The following CDH18 variants were observed in gnomAD, a reference collection of about 807,000 sequenced individuals.
The protein encoded by CDH18 is cadherin 18.
In CDH18, 31 loss-of-function variants were observed where a neutral mutation model predicts 67.9. The observed-to-expected ratio is 0.46, with a 90% CI of 0.34 to 0.62. The LOEUF is 0.62. CDH18 is among the 20% of genes least tolerant of loss of function. CDH18 has a pLI of 0.01. For missense variants in CDH18, 890 were observed against 975.5 expected (o/e 0.91, Z 1.17); for synonymous variants, 362 against 347.2 (o/e 1.04, Z -0.48).
At chr5:20,376,378 G>A (rs1177820461) in intron 1 of CDH18, among the ~76,000 whole-genome samples, 7 of 151,416 alleles carry the variant, frequency 4.6e-5, no homozygotes, top group South Asian at 2.1e-4. Context: ...GTGAGCCACC[G>A]CTCCCGGCCA....
At chr5:20,497,984 C>T (rs1754011499) in intron 1 of CDH18, among the ~76,000 whole-genome samples, 1 of 152,008 alleles carries the variant, frequency 6.6e-6, no homozygotes, top group Non-Finnish European at 1.5e-5. Context: ...TGCCCTTTCC[C>T]CCTGTGACAA....
At chr5:20,200,254 T>G (rs1372929965) in intron 2 of CDH18, among the ~76,000 whole-genome samples, 2 of 152,232 alleles carry the variant, frequency 1.3e-5, no homozygotes, top group Non-Finnish European at 2.9e-5. Flanking sequence ...CTGTGAGTAC[T>G]AGTGATAGAA....
intron 2 of CDH18, among the ~76,000 whole-genome samples, chr5:20,045,467 A>G (rs1415268081): frequency 6.6e-6 from 1 of 152,088 alleles, no homozygotes; most frequent in Non-Finnish European, 1.5e-5. Flanking sequence ...TTAAAATGGT[A>G]TAATGATGAC....
intron 5 of CDH18, among the ~76,000 whole-genome samples, chr5:19,629,549 A>G (rs1452938785): frequency 2.0e-5 from 3 of 152,206 alleles, no homozygotes; most frequent in African/African-American, 4.8e-5. Context: ...AAAAATTACC[A>G]ATCAGGCTGC....
At chr5:19,480,720 A>G (rs1739286965) in intron 12 of CDH18, among the ~76,000 whole-genome samples, 1 of 151,602 alleles carries the variant, frequency 6.6e-6, no homozygotes, top group African/African-American at 2.4e-5. Flanking sequence ...CCTCTCCACC[A>G]TACATTTACT....
rs1379797181 is a variant in CDH18 at position 19,838,799 on chromosome 5, A to T, written c.188T>A (p.Leu63Ter). ...AGGATCTGGTCCCATATGTTCTTCT[A>T]AAACAAAGAACTGATTCCATACCCA... ...RGWVWNQFFVLEEHMGPDPQY... is the reference protein window; with the variant it reads ...RGWVWNQFFV Residue 63 changes from leucine (L) to a stop codon, truncating the protein, a stop_gained, in exon 3 of 13, where the codon TTA becomes TAA. Coordinates refer to ENST00000382275, the MANE Select transcript of CDH18 (RefSeq NM_004934.5). LOFTEE classifies it high-confidence loss of function. The T allele has an allele frequency of 6.2e-7, 1 of 1,613,516 alleles. No homozygotes were observed.
rs1389842430 is a variant in CDH18, at chr5:19,587,291, C to T, written c.999+3766G>A. Among the ~76,000 whole-genome samples, 3 of 152,066 alleles carry T rather than the reference C, an allele frequency of 2.0e-5. No homozygotes were observed. The East Asian group carries it at 5.8e-4, about 29-fold the overall frequency. On this transcript the variant is annotated intron_variant, in intron 7 of 12. Transcript: ENST00000382275. ...AACCTGCAATTACTTTTGCATCAAC[C>T]TAACAGAACTTCTTTGTCAGTTTTA...
intron 10 of CDH18, among the ~76,000 whole-genome samples, chr5:19,515,278 G>T (rs559753177): frequency 6.6e-6 from 1 of 152,086 alleles, no homozygotes; most frequent in Admixed American, 6.6e-5. Flanking sequence ...GTCAGGTAGC[G>T]TGATGCCTCC....
intron 4 of CDH18, among the ~76,000 whole-genome samples, chr5:19,735,101 G>A (rs1581119069): frequency 6.6e-6 from 1 of 152,194 alleles, no homozygotes; most frequent in East Asian, 1.9e-4. Flanking sequence ...TAAAAGTATA[G>A]ACAGTAGAAT....
At chr5:20,542,538 A>C (rs1051608976) in intron 1 of CDH18, among the ~76,000 whole-genome samples, 2 of 151,748 alleles carry the variant, frequency 1.3e-5, no homozygotes, top group Non-Finnish European at 2.9e-5. Context: ...CTATATATGC[A>C]TATGGATATA....
intron 2 of CDH18, among the ~76,000 whole-genome samples, chr5:19,874,052 C>T (rs1289527892): frequency 6.6e-6 from 1 of 152,154 alleles, no homozygotes; most frequent in Non-Finnish European, 1.5e-5. Context: ...TGCTCAAGGG[C>T]ATGTATACAC....
intron 5 of CDH18, among the ~76,000 whole-genome samples, chr5:19,632,996 G>A (rs1752628758): frequency 1.3e-5 from 2 of 152,088 alleles, no homozygotes; most frequent in Admixed American, 1.3e-4. Context: ...ACAGTGTGGT[G>A]GTGTGAGTAG....
At chr5:19,973,103 G>A (rs956184522) in intron 2 of CDH18, among the ~76,000 whole-genome samples, 1 of 151,972 alleles carries the variant, frequency 6.6e-6, no homozygotes, top group African/African-American at 2.4e-5. Flanking sequence ...GAATGAAAAT[G>A]CATAAACAAC....
chr5:19,634,929 C>A (rs1268448015), intron 5 of CDH18, among the ~76,000 whole-genome samples: 1 of 124,776 alleles, frequency 8.0e-6, no homozygotes, highest in African/African-American at 2.9e-5. Context: ...AAGAGCTAAA[C>A]TGCATCTCAA....
At chr5:20,541,003 T>A (rs570575415) in intron 1 of CDH18, among the ~76,000 whole-genome samples, 1 of 152,316 alleles carries the variant, frequency 6.6e-6, no homozygotes, top group South Asian at 2.1e-4. Flanking sequence ...CACTCTTGAT[T>A]TCACATTATG....
chr5:19,955,137 A>T (rs1454753140), intron 2 of CDH18, among the ~76,000 whole-genome samples: 4 of 152,070 alleles, frequency 2.6e-5, no homozygotes. Context: ...CTGCCATATA[A>T]AGAAGGACAT....
chr5:20,028,388 T>C (rs1456952835), intron 2 of CDH18, among the ~76,000 whole-genome samples: 1 of 152,192 alleles, frequency 6.6e-6, no homozygotes, highest in Non-Finnish European at 1.5e-5. Context: ...TTCTAATCTG[T>C]GTAATATAAC....
chr5:19,518,933 T>C (rs1315499151), intron 10 of CDH18, among the ~76,000 whole-genome samples: 2 of 152,138 alleles, frequency 1.3e-5, no homozygotes, highest in Non-Finnish European at 2.9e-5. Flanking sequence ...AGAAACCTAA[T>C]TTAGGAATAT....
At chr5:19,990,965 C>T (rs1232159942), upstream of CDH18, among the ~76,000 whole-genome samples, 1 of 152,140 alleles carries the variant, frequency 6.6e-6, no homozygotes, top group East Asian at 1.9e-4. Flanking sequence ...AAAGCATGGA[C>T]ATTTCTGATA....
Sources: allele counts gnomAD v4.1 joint callset (sites outside exome capture counted in the v4.1 genomes callset), GRCh38; gene constraint gnomAD v4.1.1; transcripts MANE v1.5; gene names NCBI Gene and HGNC (gene_info 2026-07-23, HGNC 2026-07-21).